RHOJ: variants seen among roughly 807,000 people sequenced by gnomAD.
RHOJ encodes the protein ras homolog family member J.
In RHOJ, 11 loss-of-function variants were observed where a neutral mutation model predicts 23.4. That is an observed-to-expected ratio of 0.47 (90% CI 0.30 to 0.78). RHOJ has a LOEUF of 0.78. Among genes scored for constraint, RHOJ ranks in the 30% least tolerant of loss-of-function variants. RHOJ has a pLI of 0.08. For missense variants in RHOJ, 254 were observed against 273.4 expected, an observed-to-expected ratio of 0.93 and a Z score of 0.50; for synonymous variants, 102 against 102.7, an observed-to-expected ratio of 0.99 and a Z score of 0.04.
chr14:63,288,372 G>A (rs1594780533), intron 4 of RHOJ: 1 of 982,558 alleles, frequency 1.0e-6, no homozygotes, highest in East Asian at 1.1e-4. Context: ...TCAATCCTAG[G>A]CTTGGGATCC....
chr14:63,208,262 C>G (rs1389461305), intron 1 of RHOJ, among the ~76,000 whole-genome samples: 2 of 152,192 alleles, frequency 1.3e-5, no homozygotes, highest in African/African-American at 4.8e-5. Context: ...TGTATCCCTA[C>G]CTCCTACCTA....
chr14:63,218,241 A>C (rs184912561), intron 1 of RHOJ, among the ~76,000 whole-genome samples: 4 of 152,220 alleles, frequency 2.6e-5, no homozygotes, highest in African/African-American at 9.6e-5. Flanking sequence ...AGAAATGCCT[A>C]TGAAGCTTAT....
intron 2 of RHOJ, among the ~76,000 whole-genome samples, chr14:63,271,751 C>T (rs1267047985): frequency 1.3e-5 from 2 of 152,204 alleles, no homozygotes; most frequent in African/African-American, 2.4e-5. Context: ...CCTGCCACCA[C>T]ACCCAGCTAA....
rs183006526 is a variant in RHOJ at position 63,230,840 on chromosome 14, G to T, written c.178+25793G>T. On this transcript the variant is annotated intron_variant, in intron 1 of 4. Coordinates refer to ENST00000316754, the MANE Select transcript of RHOJ (RefSeq NM_020663.5). ...GAATGGAAGTTTACAAGGGTACAAG[G>T]CTTTTTTTTTTTTTTTTTTAGATGG... 1.1e-3 allele frequency among the ~76,000 whole-genome samples: 104 copies of T among 96,686 alleles called. No homozygotes were observed. In the East Asian group the frequency reaches 0.033, roughly 31 times the overall value. The allele number at this position is 96,686 out of a possible 152,430, so 63.4% of individuals were successfully genotyped here.
At chr14:63,273,941 A>G (rs1881629481) in intron 2 of RHOJ, among the ~76,000 whole-genome samples, 1 of 152,246 alleles carries the variant, frequency 6.6e-6, no homozygotes, top group South Asian at 2.1e-4. Flanking sequence ...CACAGCCCAC[A>G]GCAGCTCAGC....
At chr14:63,216,576 C>A (rs1361406725) in intron 1 of RHOJ, among the ~76,000 whole-genome samples, 3 of 152,178 alleles carry the variant, frequency 2.0e-5, no homozygotes, top group African/African-American at 7.2e-5. Context: ...CCTCAGGAGT[C>A]CTCCTCTCTG....
intron 2 of RHOJ, among the ~76,000 whole-genome samples, chr14:63,277,434 C>A (rs375044350): frequency 6.6e-6 from 1 of 152,184 alleles, no homozygotes; most frequent in Non-Finnish European, 1.5e-5. Flanking sequence ...GATACGCAGG[C>A]CCACTCTCCA....
intron 1 of RHOJ, among the ~76,000 whole-genome samples, chr14:63,216,148 C>T (rs1894351758): frequency 6.6e-6 from 1 of 152,074 alleles, no homozygotes; most frequent in Non-Finnish European, 1.5e-5. Flanking sequence ...GTTTTGCTTC[C>T]AGTCAAATTT....
At chr14:63,267,934 GA>G (rs1356295350) in intron 1 of RHOJ, among the ~76,000 whole-genome samples, 1 of 152,006 alleles carries the variant, frequency 6.6e-6, no homozygotes, top group African/African-American at 2.4e-5. Context: ...TTCAAAGAAC[GA>G]GCCATTAAGA....
intron 1 of RHOJ, among the ~76,000 whole-genome samples, chr14:63,231,140 C>T (rs535973130): frequency 2.0e-5 from 3 of 152,086 alleles, no homozygotes; most frequent in Non-Finnish European, 4.4e-5. Context: ...CTGCCTGCCT[C>T]GGCCTCCCAA....
chr14:63,240,774 T>A (rs1350001324), intron 1 of RHOJ, among the ~76,000 whole-genome samples: 2 of 152,206 alleles, frequency 1.3e-5, no homozygotes, highest in African/African-American at 4.8e-5. Flanking sequence ...GAAATCAAGT[T>A]ATGTCAGGAT....
chr14:63,228,432 G>A (rs1290533243), intron 1 of RHOJ, among the ~76,000 whole-genome samples: 1 of 152,128 alleles, frequency 6.6e-6, no homozygotes, highest in African/African-American at 2.4e-5. Context: ...CAAACAACTG[G>A]AAATAATCCA....
At chr14:63,235,905 T>G (rs1267231391) in intron 1 of RHOJ, among the ~76,000 whole-genome samples, 1 of 152,212 alleles carries the variant, frequency 6.6e-6, no homozygotes, top group African/African-American at 2.4e-5. Flanking sequence ...TCTCAAAATA[T>G]AAGTTTATAG....
chr14:63,251,285 A>T (rs1040314119), intron 1 of RHOJ, among the ~76,000 whole-genome samples: 4 of 152,314 alleles, frequency 2.6e-5, no homozygotes, highest in African/African-American at 9.6e-5. Context: ...ATAATTATTA[A>T]GTGTAAAGAA....
intron 1 of RHOJ, among the ~76,000 whole-genome samples, chr14:63,219,791 G>A (rs1894446105): frequency 6.7e-6 from 1 of 148,572 alleles, no homozygotes; most frequent in Admixed American, 6.8e-5. Context: ...ACTCCAGCCT[G>A]GTGACAGAGC....
intron 1 of RHOJ, among the ~76,000 whole-genome samples, chr14:63,251,544 G>A (rs1354973686): frequency 6.6e-6 from 1 of 152,188 alleles, no homozygotes; most frequent in African/African-American, 2.4e-5. Flanking sequence ...AACCCAAAGA[G>A]AAAGGGGAAG....
chr14:63,260,332 AC>A (rs1045446919), intron 1 of RHOJ, among the ~76,000 whole-genome samples: 3 of 152,194 alleles, frequency 2.0e-5, no homozygotes, highest in Non-Finnish European at 4.4e-5. Context: ...ACTGCAGCAG[AC>A]CTATTTATCA....
At chr14:63,248,099 G>T (rs999063079) in intron 1 of RHOJ, among the ~76,000 whole-genome samples, 1 of 152,178 alleles carries the variant, frequency 6.6e-6, no homozygotes, top group Non-Finnish European at 1.5e-5. Context: ...TGAGATTTGG[G>T]TGGGGACACG....
intron 1 of RHOJ, among the ~76,000 whole-genome samples, chr14:63,247,194 T>C (rs1894991423): frequency 6.6e-6 from 1 of 152,286 alleles, no homozygotes; most frequent in Admixed American, 6.5e-5. Context: ...GTTGAAATAA[T>C]ACACAAGTTT....
Sources: allele counts gnomAD v4.1 joint callset (sites outside exome capture counted in the v4.1 genomes callset), GRCh38; gene constraint gnomAD v4.1.1; transcripts MANE v1.5; gene names NCBI Gene and HGNC (gene_info 2026-07-23, HGNC 2026-07-21).